The following RBFOX1 variants were observed in gnomAD, a reference collection of about 807,000 sequenced individuals.
The protein encoded by RBFOX1 is RNA binding fox-1 homolog 1, also known as RNA binding protein fox-1 homolog 1.
Under a neutral mutation model 57.7 loss-of-function variants are expected in RBFOX1, and 8 were observed. The observed-to-expected ratio is 0.14, with a 90% CI of 0.08 to 0.25. The LOEUF is 0.25. Ranked by LOEUF, RBFOX1 falls within the 10% of genes least tolerant of loss-of-function variation. The probability of loss-of-function intolerance (pLI) is 1.00; values close to 1 mark genes in which losing one functional copy is unlikely to be tolerated. For missense variants in RBFOX1, 611 were observed against 548.5 expected (o/e 1.11, Z -1.14); for synonymous variants, 326 against 222.4 (o/e 1.47, Z -4.15).
chr16:5,924,447 G>T (rs887226835), intron 4 of RBFOX1, among the ~76,000 whole-genome samples: 2 of 152,146 alleles, frequency 1.3e-5, no homozygotes, highest in Admixed American at 1.3e-4. Flanking sequence ...AATGCGATTG[G>T]TGGGTAAATG....
chr16:6,511,143 G>C (rs1053997459), intron 2 of RBFOX1, among the ~76,000 whole-genome samples: 2 of 152,108 alleles, frequency 1.3e-5, no homozygotes, highest in Non-Finnish European at 2.9e-5. Flanking sequence ...TGTGCCTCCT[G>C]GTGTTACGCT....
chr16:5,919,949 A>T (rs80045133), intron 4 of RBFOX1, among the ~76,000 whole-genome samples: 9,873 of 151,448 alleles, frequency 0.065, 440 homozygotes, highest in African/African-American at 0.11. Context: ...CAGTACTTCC[A>T]TTTTTTTTAG....
At chr16:6,214,519 G>A (rs1441534472) in intron 1 of RBFOX1, among the ~76,000 whole-genome samples, 31 of 115,424 alleles carry the variant, frequency 2.7e-4, no homozygotes, top group African/African-American at 9.5e-4. Context: ...AAGTGGAGAG[G>A]AAGAGAGGGA....
At chr16:7,211,103 G>T (rs12709188) in intron 4 of RBFOX1, among the ~76,000 whole-genome samples, 31,092 of 143,552 alleles carry the variant, frequency 0.22, 3,780 homozygotes, top group Non-Finnish European at 0.3. Context: ...AAAAAAAAAG[G>T]ACTCTGGGCC....
chr16:5,263,259 A>C (rs1308511942), intron 1 of RBFOX1, among the ~76,000 whole-genome samples: 2 of 152,146 alleles, frequency 1.3e-5, no homozygotes, highest in Non-Finnish European at 2.9e-5. Context: ...TAGAAGGAGA[A>C]AAGATACTTA....
At chr16:6,266,207 T>C (rs2074468452) in intron 1 of RBFOX1, among the ~76,000 whole-genome samples, 2 of 152,148 alleles carry the variant, frequency 1.3e-5, no homozygotes, top group African/African-American at 2.4e-5. Flanking sequence ...TGAGAGAAGA[T>C]GACATGTAGC....
At chr16:6,024,402 G>C (rs2095145759) in intron 1 of RBFOX1, among the ~76,000 whole-genome samples, 1 of 152,188 alleles carries the variant, frequency 6.6e-6, no homozygotes, top group Non-Finnish European at 1.5e-5. Flanking sequence ...ACATTCCAGA[G>C]AGGAGAGATT....
intron 5 of RBFOX1, among the ~76,000 whole-genome samples, chr16:7,524,957 C>G (rs1192627910): frequency 6.6e-6 from 1 of 152,098 alleles, no homozygotes; most frequent in African/African-American, 2.4e-5. Context: ...GTTTAAAAAG[C>G]CAGACATTGG....
intron 1 of RBFOX1, among the ~76,000 whole-genome samples, chr16:5,389,778 A>G (rs1350690055): frequency 6.6e-6 from 1 of 151,688 alleles, no homozygotes; most frequent in African/African-American, 2.4e-5. Flanking sequence ...GCTCACTGCG[A>G]CTTCCATCAC....
chr16:7,361,238 G>A (rs1195826689), intron 4 of RBFOX1, among the ~76,000 whole-genome samples: 1 of 152,162 alleles, frequency 6.6e-6, no homozygotes, highest in East Asian at 1.9e-4. Context: ...CTGAAGGCCT[G>A]TTTGTGTCAT....
intron 3 of RBFOX1, among the ~76,000 whole-genome samples, chr16:6,769,628 T>C (rs150933813): frequency 6.6e-6 from 1 of 152,364 alleles, no homozygotes; most frequent in Non-Finnish European, 1.5e-5. Flanking sequence ...CTCCAAATGA[T>C]GACTGTTGGC....
chr16:7,534,625 T>A (rs1034385523), intron 5 of RBFOX1, among the ~76,000 whole-genome samples: 2 of 152,108 alleles, frequency 1.3e-5, no homozygotes, highest in Non-Finnish European at 1.5e-5. Flanking sequence ...TCTCAGCAAA[T>A]CTTCAGACAA....
At chr16:6,989,833 C>G (rs2091108629) in intron 3 of RBFOX1, among the ~76,000 whole-genome samples, 2 of 151,950 alleles carry the variant, frequency 1.3e-5, no homozygotes, top group South Asian at 4.2e-4. Flanking sequence ...AATTCCATCT[C>G]TACTAAAAAT....
At chr16:6,504,168 G>T (rs1299897761) in intron 2 of RBFOX1, among the ~76,000 whole-genome samples, 1 of 152,160 alleles carries the variant, frequency 6.6e-6, no homozygotes, top group African/African-American at 2.4e-5. Context: ...CCTGGATAAA[G>T]CACCATGTAT....
chr16:7,025,017 G>A (rs920982460), intron 3 of RBFOX1, among the ~76,000 whole-genome samples: 3 of 152,268 alleles, frequency 2.0e-5, no homozygotes, highest in East Asian at 1.9e-4. Context: ...GCTGGATCCC[G>A]ACCCCAAGAG....
intron 2 of RBFOX1, among the ~76,000 whole-genome samples, chr16:6,648,328 T>C (rs2098550335): frequency 6.6e-6 from 1 of 152,122 alleles, no homozygotes; most frequent in African/African-American, 2.4e-5. Context: ...CCCAAAGTGC[T>C]GGGATTATAG....
intron 1 of RBFOX1, among the ~76,000 whole-genome samples, chr16:6,296,311 A>G (rs750034835): frequency 5.9e-5 from 9 of 152,208 alleles, no homozygotes; most frequent in Non-Finnish European, 1.0e-4. Context: ...TTTATTACTA[A>G]AAAGCTGGGT....
At chr16:7,062,265 C>T (rs1237921428) in intron 4 of RBFOX1, among the ~76,000 whole-genome samples, 1 of 138,028 alleles carries the variant, frequency 7.2e-6, no homozygotes, top group Non-Finnish European at 1.5e-5. Context: ...TTGCAGTGAG[C>T]CGAGATCATG....
intron 2 of RBFOX1, among the ~76,000 whole-genome samples, chr16:5,592,099 A>C (rs181851807): frequency 6.6e-6 from 1 of 152,168 alleles, no homozygotes; most frequent in Non-Finnish European, 1.5e-5. Context: ...GATTATGGGG[A>C]TTTCTTAATG....
Sources: allele counts gnomAD v4.1 joint callset (sites outside exome capture counted in the v4.1 genomes callset), GRCh38; gene constraint gnomAD v4.1.1; transcripts MANE v1.5; gene names NCBI Gene and HGNC (gene_info 2026-07-23, HGNC 2026-07-21).